LRRTM4: variants seen among roughly 807,000 people sequenced by gnomAD.
The protein encoded by LRRTM4 is leucine-rich repeat transmembrane neuronal protein 4.
Under a neutral mutation model 47.6 loss-of-function variants are expected in LRRTM4, and 25 were observed. That is an observed-to-expected ratio of 0.53 (90% CI 0.38 to 0.73). LRRTM4 has a LOEUF of 0.73. LRRTM4 is among the 30% of genes least tolerant of loss of function. The probability of loss-of-function intolerance (pLI) is 0.00; values close to 1 mark genes in which losing one functional copy is unlikely to be tolerated. For missense variants in LRRTM4, 638 were observed against 713.4 expected (o/e 0.89, Z 1.20); for synonymous variants, 311 against 269.5 (o/e 1.15, Z -1.51).
intron 3 of LRRTM4, among the ~76,000 whole-genome samples, chr2:76,973,078 TG>T (rs1183522240): frequency 2.6e-5 from 4 of 152,010 alleles, no homozygotes; most frequent in African/African-American, 9.7e-5. Flanking sequence ...TTTGACTTGT[TG>T]AGGAAAATGG....
At chr2:76,959,927 T>C (rs1675797475) in intron 3 of LRRTM4, among the ~76,000 whole-genome samples, 1 of 151,770 alleles carries the variant, frequency 6.6e-6, no homozygotes, top group Non-Finnish European at 1.5e-5. Context: ...TCATTATTAG[T>C]GGTATTACTA....
At chr2:77,303,262 A>AAAAC (rs1218766853) in intron 3 of LRRTM4, among the ~76,000 whole-genome samples, 5 of 149,178 alleles carry the variant, frequency 3.4e-5, no homozygotes, top group South Asian at 2.1e-4. Context: ...ACTCCATCTC[A>AAAAC]AAACAAACAA....
chr2:76,956,471 G>C (rs1484480508), intron 3 of LRRTM4, among the ~76,000 whole-genome samples: 2 of 151,354 alleles, frequency 1.3e-5, no homozygotes, highest in Admixed American at 1.3e-4. Context: ...AGTAGTAAAA[G>C]GGAAGTTTAT....
intron 3 of LRRTM4, among the ~76,000 whole-genome samples, chr2:77,354,775 A>G (rs147703101): frequency 6.6e-6 from 1 of 152,282 alleles, no homozygotes; most frequent in Non-Finnish European, 1.5e-5. Flanking sequence ...GGCTAAGGGC[A>G]GGGCAGAATA....
chr2:77,181,203 G>A lies in LRRTM4; in HGVS notation c.1551+337115C>T, dbSNP rs186849049. Among the ~76,000 whole-genome samples, 329 of 152,200 alleles carry A rather than the reference G, an allele frequency of 2.2e-3. 4 individuals are homozygous for A. The highest frequency in any genetic ancestry group is 6.5e-3 in the African/African-American group (270 of 41,546). ...GGTCAGGGTCTGTGACTGGCTGCTC[G>A]AAGGAAAATACCACATGGATATAAC... is the stretch of plus-strand genomic sequence containing the variant. On this transcript the variant is annotated intron_variant, in intron 3 of 3. Transcript: ENST00000409884.
intron 3 of LRRTM4, among the ~76,000 whole-genome samples, chr2:77,279,832 C>T (rs1269355265): frequency 6.6e-6 from 1 of 151,810 alleles, no homozygotes; most frequent in Non-Finnish European, 1.5e-5. Context: ...ACATATTTAA[C>T]TAGGATTTGA....
chr2:76,896,380 GAC>G (rs1267460835), intron 3 of LRRTM4, among the ~76,000 whole-genome samples: 4 of 151,992 alleles, frequency 2.6e-5, no homozygotes, highest in African/African-American at 7.2e-5. Context: ...GTGCAAAAAT[GAC>G]AGTTTTCATC....
intron 3 of LRRTM4, among the ~76,000 whole-genome samples, chr2:77,134,608 G>A (rs1265277509): frequency 6.6e-6 from 1 of 152,068 alleles, no homozygotes; most frequent in Admixed American, 6.6e-5. Flanking sequence ...AAAACACAGT[G>A]AGCTTTCCTT....
intron 3 of LRRTM4, among the ~76,000 whole-genome samples, chr2:77,514,371 T>C (rs929956023): frequency 6.6e-6 from 1 of 151,428 alleles, no homozygotes; most frequent in African/African-American, 2.4e-5. Flanking sequence ...AGTTAAGTGG[T>C]CTACTTTATA....
chr2:76,924,834 C>A (rs969674628), intron 3 of LRRTM4, among the ~76,000 whole-genome samples: 1 of 151,870 alleles, frequency 6.6e-6, no homozygotes, highest in Non-Finnish European at 1.5e-5. Context: ...TGTTGTAAAC[C>A]CCATGGATTC....
chr2:77,224,822 T>C (rs1674754886), intron 3 of LRRTM4, among the ~76,000 whole-genome samples: 1 of 152,104 alleles, frequency 6.6e-6, no homozygotes, highest in Non-Finnish European at 1.5e-5. Flanking sequence ...CTCAGGGATC[T>C]AGAACTAGAA....
chr2:76,903,534 TCAAAA>T (rs147085407), intron 3 of LRRTM4, among the ~76,000 whole-genome samples: 21,841 of 151,754 alleles, frequency 0.14, 1,944 homozygotes, highest in Admixed American at 0.22. Context: ...AGATTCTGTC[TCAAAA>T]CAAAACAAAA....
chr2:77,417,899 C>T (rs1674711349), intron 3 of LRRTM4, among the ~76,000 whole-genome samples: 1 of 151,970 alleles, frequency 6.6e-6, no homozygotes, highest in Non-Finnish European at 1.5e-5. Flanking sequence ...TACCCTAAAA[C>T]TTAAAGTATA....
At chr2:76,800,965 A>G (rs1008436220) in intron 3 of LRRTM4, among the ~76,000 whole-genome samples, 1 of 150,408 alleles carries the variant, frequency 6.6e-6, no homozygotes, top group Non-Finnish European at 1.5e-5. Context: ...ACAATGAGAT[A>G]CCATCTCACA....
At chr2:77,138,694 TG>T in intron 3 of LRRTM4, among the ~76,000 whole-genome samples, 1 of 152,084 alleles carries the variant, frequency 6.6e-6, no homozygotes, top group Non-Finnish European at 1.5e-5. Context: ...GCTCGTTTTT[TG>T]AAAAGATCAA....
At chr2:76,906,526 G>C (rs1453319665) in intron 3 of LRRTM4, among the ~76,000 whole-genome samples, 1 of 152,014 alleles carries the variant, frequency 6.6e-6, no homozygotes, top group African/African-American at 2.4e-5. Flanking sequence ...TGGACTAAAT[G>C]CTCCAATCAA....
chr2:76,881,766 TG>T (rs2104108391), intron 3 of LRRTM4, among the ~76,000 whole-genome samples: 1 of 152,264 alleles, frequency 6.6e-6, no homozygotes, highest in African/African-American at 2.4e-5. Context: ...CTCTCATTTT[TG>T]TTCCAGCATA....
At chr2:77,160,336 C>T (rs2103806656) in intron 3 of LRRTM4, among the ~76,000 whole-genome samples, 1 of 152,182 alleles carries the variant, frequency 6.6e-6, no homozygotes, top group Non-Finnish European at 1.5e-5. Context: ...AGAGCATTGA[C>T]AACACTTTCC....
At chr2:76,957,251 C>A (rs1287263691) in intron 3 of LRRTM4, among the ~76,000 whole-genome samples, 1 of 151,584 alleles carries the variant, frequency 6.6e-6, no homozygotes, top group Non-Finnish European at 1.5e-5. Context: ...TTACCAGGGT[C>A]TGAAACAGGG....
Sources: gnomAD v4.1 joint callset for allele counts (sites outside exome capture counted in the v4.1 genomes callset) on GRCh38, gnomAD v4.1.1 for gene constraint, MANE v1.5 for transcripts, NCBI Gene and HGNC (gene_info 2026-07-23, HGNC 2026-07-21) for gene names.